The following ECPAS variants were observed in gnomAD, a reference collection of about 807,000 sequenced individuals.
ECPAS encodes Ecm29 proteasome adaptor and scaffold.
A neutral mutation model predicts 255.1 loss-of-function variants in ECPAS; 70 were observed. The ratio of observed to expected loss-of-function variants is 0.27; its 90% CI spans 0.23 to 0.33. The LOEUF is 0.33. ECPAS is among the 10% of genes least tolerant of loss of function. The probability of loss-of-function intolerance (pLI) is 1.00; values close to 1 mark genes in which losing one functional copy is unlikely to be tolerated. For missense variants in ECPAS, 1,817 were observed against 2,206.4 expected (o/e 0.82, Z 3.54); for synonymous variants, 784 against 775.0 (o/e 1.01, Z -0.19).
At chr9:111,378,390 G>C (rs551390682) in intron 36 of ECPAS, among the ~76,000 whole-genome samples, 190 bp downstream of exon 36, 1 of 152,282 alleles carries the variant, frequency 6.6e-6, no homozygotes, top group Non-Finnish European at 1.5e-5. Flanking sequence ...GGAAGTGTCA[G>C]TTTTCATCCA....
chr9:111,388,866 G>C lies in ECPAS; in HGVS notation c.3447+690C>G, dbSNP rs115771555. Among the ~76,000 whole-genome samples the C allele has an allele frequency of 1.2e-3, 176 of 152,198 alleles. 2 individuals are homozygous for C. The highest frequency in any genetic ancestry group is 3.8e-3 in the African/African-American group (159 of 41,528). On this transcript the variant is annotated intron_variant, in intron 31 of 49. Transcript: ENST00000684092. Reference sequence around the variant, plus strand: ...CAAATAGGTAAACAGTGAGAGTAGAGGGGGAAGGTTATTTTTTAAGTCCTG... The same window carrying C: ...CAAATAGGTAAACAGTGAGAGTAGACGGGGAAGGTTATTTTTTAAGTCCTG...
At chr9:111,478,044 G>C (rs1039780797) in intron 1 of ECPAS, among the ~76,000 whole-genome samples, 3 of 151,790 alleles carry the variant, frequency 2.0e-5, no homozygotes, top group African/African-American at 7.3e-5. Flanking sequence ...GGGACTACAG[G>C]CGCATGCCAA....
At chr9:111,393,201 T>G (rs1010063798) in intron 27 of ECPAS, among the ~76,000 whole-genome samples, 1 of 152,188 alleles carries the variant, frequency 6.6e-6, no homozygotes, top group Non-Finnish European at 1.5e-5. Context: ...ACATCAGAGA[T>G]AAAACAGCCT....
intron 8 of ECPAS, among the ~76,000 whole-genome samples, chr9:111,430,990 C>G (rs1443283777): frequency 6.6e-6 from 1 of 152,118 alleles, no homozygotes; most frequent in Non-Finnish European, 1.5e-5. Flanking sequence ...TTCAAAGAGG[C>G]CTGGGGCAGG....
Position 111,384,549 on chromosome 9 carries a change from T to G in ECPAS, c.3654A>C (p.Ala1218=), listed in dbSNP as rs755335471. ...DDIKESVRKA[A]ELALKTLSKV... is the part of the protein sequence containing the mutation. ...TGCTCAGAGTTTTCAGAGCTAGTTCTGCCGCTTTTCGTACAGATTCCTAAA... is the reference window on the plus strand; with the variant it reads ...TGCTCAGAGTTTTCAGAGCTAGTTCGGCCGCTTTTCGTACAGATTCCTAAA... The change falls in exon 34 of 50, where the codon GCA becomes GCC. Residue 1218 remains alanine (A), a synonymous_variant. Coordinates refer to ENST00000684092, the MANE Select transcript of ECPAS (RefSeq NM_001364929.1). 14 of 1,613,940 alleles carry G rather than the reference T, an allele frequency of 8.7e-6. No homozygotes were observed. Among genetic ancestry groups the G allele is most frequent in the Non-Finnish European group, 1.2e-5 (14 of 1,179,814 alleles).
chr9:111,440,576 T>G, intron 5 of ECPAS, 55 bp from the exon 6 acceptor site: 1 of 1,381,386 alleles, frequency 7.2e-7, no homozygotes, highest in Non-Finnish European at 9.8e-7. Flanking sequence ...TTTTTATACA[T>G]GCAAAACACA....
chr9:111,459,928 C>T (rs568636773), intron 2 of ECPAS, among the ~76,000 whole-genome samples: 1 of 152,274 alleles, frequency 6.6e-6, no homozygotes, highest in Non-Finnish European at 1.5e-5. Flanking sequence ...CAGGGGAACA[C>T]ATCCCTGAAT....
Position 111,458,567 on chromosome 9 carries a change from G to C in ECPAS, c.23-7012C>G, listed in dbSNP as rs536718393. On this transcript the variant is annotated intron_variant, in intron 2 of 49. Transcript: ENST00000684092. ...CTCAGGATGGGGGTTGATCACACTA[G>C]AAAGACTAATCATCTTGCAGGTTTT... Among the ~76,000 whole-genome samples, 60 of 148,404 alleles carry C rather than the reference G, an allele frequency of 4.0e-4. 1 individual carries two copies. The South Asian group carries it at 0.013, about 31-fold the overall frequency.
At position 111,430,561 on chromosome 9, in the gene ECPAS, G is replaced by C; in HGVS notation, c.916C>G (p.Leu306Val). ...MYKVYLGDIP[L>V]KTKEGAVLKP... ...AAACAACCTACCTCTTTTGTCTTCA[G>C]TGGTATATCTCCAAGGTACACCTTG... Residue 306 changes from leucine (L) to valine (V), a missense_variant, in exon 9 of 50, where the codon CTG (leucine) becomes GTG (valine). Coordinates refer to ENST00000684092, the MANE Select transcript of ECPAS (RefSeq NM_001364929.1). 6.3e-7 allele frequency: 1 copy of C among 1,592,250 alleles called. No homozygotes were observed. The highest frequency in any genetic ancestry group is 8.6e-7 in the Non-Finnish European group (1 of 1,165,074).
intron 2 of ECPAS, among the ~76,000 whole-genome samples, chr9:111,462,031 G>A (rs1443162422): frequency 6.6e-6 from 1 of 152,154 alleles, no homozygotes; most frequent in Non-Finnish European, 1.5e-5. Flanking sequence ...AATTATGGGA[G>A]CTACAAGATG....
chr9:111,454,696 T>C (rs7036992), intron 2 of ECPAS, among the ~76,000 whole-genome samples: 106,413 of 151,656 alleles, frequency 0.7, 37,755 homozygotes, highest in African/African-American at 0.79. Flanking sequence ...ATAACTGCTA[T>C]ATTTTTCTTT....
intron 24 of ECPAS, 22 bp downstream of exon 24, chr9:111,408,549 A>G (rs748519546): frequency 1.4e-6 from 2 of 1,388,778 alleles, no homozygotes; most frequent in Non-Finnish European, 1.9e-6. Context: ...AATAACTAAC[A>G]ATCAGGTAGC....
chr9:111,435,829 G>A (rs1240223616), intron 7 of ECPAS, among the ~76,000 whole-genome samples: 8 of 148,638 alleles, frequency 5.4e-5, no homozygotes, highest in African/African-American at 1.5e-4. Context: ...ACAGGCGCCC[G>A]CCACCACGCC....
At chr9:111,402,225 G>A (rs959555031) in intron 24 of ECPAS, among the ~76,000 whole-genome samples, 5 of 152,078 alleles carry the variant, frequency 3.3e-5, no homozygotes, top group Admixed American at 6.5e-5. Context: ...AGCTTCAGCC[G>A]GTCCCTCCAC....
Position 111,434,000 on chromosome 9 carries a change from T to C in ECPAS, c.709-628A>G, listed in dbSNP as rs1351114936. ...TAGAGAGATTCTGCTTAGAACTTCA[T>C]GCAATGTGAAGATGCTATGAATTTC... On this transcript the variant is annotated intron_variant, in intron 7 of 49. Coordinates refer to ENST00000684092, the MANE Select transcript of ECPAS (RefSeq NM_001364929.1). Among the ~76,000 whole-genome samples, 3 of 152,226 alleles carry C rather than the reference T, an allele frequency of 2.0e-5. No individual in the cohort carries two copies. The East Asian group carries it at 5.8e-4, about 29-fold the overall frequency.
Position 111,412,158 on chromosome 9 carries a change from A to AT in ECPAS, c.2080-11dup. On this transcript the variant is annotated splice_polypyrimidine_tract_variant and intron_variant, in intron 20 of 49. Transcript: ENST00000684092. Reference sequence around the variant, plus strand: ...TGTTATTCATCAGACTCTGAGCAGTATAAAAAAAAAACAAATATATACATG... The same window carrying AT: ...TGTTATTCATCAGACTCTGAGCAGTATTAAAAAAAAAACAAATATATACATG... 5 of 1,553,376 alleles carry AT rather than the reference A, an allele frequency of 3.2e-6. No homozygotes were observed. The highest frequency in any genetic ancestry group is 2.3e-5 in the East Asian group (1 of 42,806).
At chr9:111,413,117 T>C (rs941471218) in intron 20 of ECPAS, among the ~76,000 whole-genome samples, 1 of 152,216 alleles carries the variant, frequency 6.6e-6, no homozygotes, top group Admixed American at 6.5e-5. Context: ...ACGGAGGGTG[T>C]GGCATTACCT....
intron 32 of ECPAS, among the ~76,000 whole-genome samples, 198 bp from the exon 33 acceptor site, chr9:111,385,640 T>C (rs2098147103): frequency 6.6e-6 from 1 of 152,192 alleles, no homozygotes; most frequent in Non-Finnish European, 1.5e-5. Context: ...AATGCTTGTT[T>C]CCCACAACTA....
intron 46 of ECPAS, among the ~76,000 whole-genome samples, 175 bp downstream of exon 46, chr9:111,368,860 A>G (rs1326075108): frequency 2.6e-5 from 4 of 152,258 alleles, no homozygotes; most frequent in African/African-American, 7.2e-5. Flanking sequence ...CAGCGGTACA[A>G]TGATCAGTGA....
Sources: gnomAD v4.1 joint callset for allele counts (sites outside exome capture counted in the v4.1 genomes callset) on GRCh38, gnomAD v4.1.1 for gene constraint, MANE v1.5 for transcripts, NCBI Gene and HGNC (gene_info 2026-07-23, HGNC 2026-07-21) for gene names.